STAT2: variants seen among roughly 807,000 people sequenced by gnomAD.
STAT2 encodes signal transducer and activator of transcription 2.
A neutral mutation model predicts 122.3 loss-of-function variants in STAT2; 51 were observed. The ratio of observed to expected loss-of-function variants is 0.42; its 90% CI spans 0.33 to 0.53. STAT2 has a LOEUF of 0.53. Among genes scored for constraint, STAT2 ranks in the 20% least tolerant of loss-of-function variants. The probability of loss-of-function intolerance (pLI) is 0.10; values close to 1 mark genes in which losing one functional copy is unlikely to be tolerated. For synonymous variants in STAT2, 351 were observed against 394.9 expected (o/e 0.89, Z 1.32); for missense variants, 736 against 1,010.3 (o/e 0.73, Z 3.68).
In STAT2 at chr12:56,348,735, A is replaced by G. The variant is rs1327298089; in HGVS notation, c.1629+17T>C. On this transcript the variant is annotated intron_variant, in intron 18 of 23. Coordinates refer to ENST00000314128, the MANE Select transcript of STAT2 (RefSeq NM_005419.4). The stretch of plus-strand genomic sequence containing the variant: ...TGTGGGCTAGATCCAGCAGCTCCAC[A>G]GGATTCAGGGAGTTACCTTAGTGAA... The G allele has an allele frequency of 1.2e-6, 2 of 1,614,084 alleles. No individual in the cohort carries two copies. Among genetic ancestry groups the G allele is most frequent in the Admixed American group, 3.3e-5 (2 of 59,994 alleles).
At chr12:56,359,266 C>CA (rs1451100741) in intron 1 of STAT2, among the ~76,000 whole-genome samples, 12 of 151,200 alleles carry the variant, frequency 7.9e-5, no homozygotes, top group East Asian at 1.9e-4. Context: ...TTTATGATAC[C>CA]AAAAAAAAGT....
chr12:56,357,393 T>A (rs1235846196), intron 1 of STAT2, among the ~76,000 whole-genome samples: 1 of 151,674 alleles, frequency 6.6e-6, no homozygotes, highest in Non-Finnish European at 1.5e-5. Flanking sequence ...CAGGCTGGAG[T>A]GCAGTGGTGT....
At chr12:56,353,114 G>T (rs1878807434) in intron 8 of STAT2, among the ~76,000 whole-genome samples, 1 of 152,004 alleles carries the variant, frequency 6.6e-6, no homozygotes, top group Non-Finnish European at 1.5e-5. Context: ...CTCCTGAGTA[G>T]CTGGGAATAC....
chr12:56,359,108 G>A lies in STAT2; in HGVS notation c.-8+950C>T, dbSNP rs551381525. Among the ~76,000 whole-genome samples, 4 of 152,264 alleles carry A rather than the reference G, an allele frequency of 2.6e-5. No homozygotes were observed. In the East Asian group the frequency reaches 7.7e-4, roughly 29 times the overall value. ...TTACAAAATAAAGAGAAATGCTTGG[G>A]GTGGGAGAGTCTTCTACTAACATGA... On this transcript the variant is annotated intron_variant, in intron 1 of 23. Transcript: ENST00000314128.
rs955030312 is a variant in STAT2, at chr12:56,344,047, G to A, written c.2191C>T (p.Pro731Ser). 1.6e-5 allele frequency: 26 copies of A among 1,612,144 alleles called. 1 individual carries two copies. The Middle Eastern group carries it at 2.6e-3, about 163-fold the overall frequency. Residue 731 changes from proline to serine, a missense_variant, in exon 23 of 24, where the codon CCA becomes TCA. Transcript: ENST00000314128. ...GGCTCTAAGTCCAGGCTGAGCTCTG[G>A]CTCTGGCACCAGCCCTAGTTCCAGC... ...LELELGLVPE[P>S]ELSLDLEPLL...
In STAT2 at chr12:56,343,467, C is replaced by A. The variant is rs2229363; in HGVS notation, c.2478G>T (p.Gln826His). 14,384 of 1,614,160 alleles carry A rather than the reference C, an allele frequency of 8.9e-3. 87 individuals are homozygous for A. Among genetic ancestry groups the A allele is most frequent in the Middle Eastern group, 0.021 (126 of 6,058 alleles). The change falls in exon 24 of 24, where the codon CAG becomes CAT. Residue 826 changes from glutamine to histidine, a missense_variant. By Grantham distance (24) the Gln-to-His change is conservative. Transcript: ENST00000314128. ...MPNGDPLLAG[Q>H]NTVDEVYVSR... ...AGACGTAAACCTCATCCACGGTGTT[C>A]TGGCCAGCCAACAGTGGGTCACCAT... is the stretch of plus-strand genomic sequence containing the variant.
rs760470820 is a variant in STAT2 at position 56,344,002 on chromosome 12, C to G, written c.2236G>C (p.Asp746His). The change falls in exon 23 of 24, where the codon GAT (aspartate) becomes CAT (histidine). Residue 746 changes from aspartate (D) to histidine (H), a missense_variant. Transcript: ENST00000314128. ...DLEPLLKAGLDLGPELESVLE... is the reference protein window; with the variant it reads ...DLEPLLKAGLHLGPELESVLE... ...ACAGACTCTAGCTCTGGCCCCAGAT[C>G]CAGCCCTGCCTTCAGCAGTGGCTCT... The G allele has an allele frequency of 6.2e-7, 1 of 1,614,150 alleles. No individual in the cohort carries two copies. The highest frequency in any genetic ancestry group is 8.5e-7 in the Non-Finnish European group (1 of 1,180,004).
At chr12:56,346,691 G>T in intron 20 of STAT2, 67 bp from the exon 21 acceptor site, 1 of 1,603,476 alleles carries the variant, frequency 6.2e-7, no homozygotes, top group South Asian at 1.1e-5. Context: ...TCTCTGCTCT[G>T]GCTGCCCAGT....
intron 1 of STAT2, among the ~76,000 whole-genome samples, chr12:56,359,083 T>G (rs375962139): frequency 6.6e-6 from 1 of 152,158 alleles, no homozygotes; most frequent in African/African-American, 2.4e-5. Flanking sequence ...CATGATTTTA[T>G]TACAAAATAA....
At chr12:56,357,345 AT>A (rs997672107) in intron 1 of STAT2, among the ~76,000 whole-genome samples, 3 of 147,636 alleles carry the variant, frequency 2.0e-5, no homozygotes, top group African/African-American at 2.5e-5. Context: ...CCCAACCTGT[AT>A]TTTTTTTTTC....
At chr12:56,347,479 C>A (rs771931248) in intron 19 of STAT2, among the ~76,000 whole-genome samples, 47 of 151,582 alleles carry the variant, frequency 3.1e-4, no homozygotes, top group Middle Eastern at 3.2e-3. Context: ...GCATGAGCAA[C>A]CACGCCTGGC....
chr12:56,352,437 G>C (rs1173623939), intron 8 of STAT2: 1 of 140,520 alleles, frequency 7.1e-6, no homozygotes, highest in Admixed American at 7.7e-5. Context: ...AATCCTAAAA[G>C]AGCTGTAACA....
In STAT2 at chr12:56,346,947, A is replaced by C; in HGVS notation, c.1733T>G (p.Met578Arg). Residue 578 changes from methionine to arginine, a missense_variant, in exon 20 of 24, where the codon ATG (methionine) becomes AGG (arginine). Transcript: ENST00000314128. ...CTCCTGGCTCCGACTCACAAAGCCC[A>C]TGATGCGTCTGGAGCACAGAGAGCA... ...LKDLWNDGRI[M>R]GFVSRSQERR... 1 of 1,614,166 alleles carries C rather than the reference A, an allele frequency of 6.2e-7. No individual in the cohort carries two copies. Among genetic ancestry groups the C allele is most frequent in the Non-Finnish European group, 8.5e-7 (1 of 1,180,016 alleles).
In STAT2 at chr12:56,356,190, T is replaced by G. The variant is rs1879485090; in HGVS notation, c.227A>C (p.Gln76Pro). The G allele has an allele frequency of 1.2e-6, 2 of 1,614,060 alleles. No homozygotes were observed. The highest frequency in any genetic ancestry group is 1.3e-5 in the African/African-American group (1 of 74,938). Residue 76 changes from glutamine to proline, a missense_variant, in exon 3 of 24, where the codon CAG (glutamine) becomes CCG (proline). Gln to Pro is a moderately conservative substitution (Grantham distance 76, BLOSUM62 -1). Transcript: ENST00000314128. ...QLNYECGRCSQDPESLLLQHN... is the reference protein window; with the variant it reads ...QLNYECGRCSPDPESLLLQHN... The stretch of plus-strand genomic sequence containing the variant: ...CTGCAGCAACAAGGACTCTGGGTCC[T>G]GGCTGCAACGGCCACACTCATAGTT...
chr12:56,350,370 T>C (rs776386218), intron 12 of STAT2, 42 bp downstream of exon 12: 3 of 1,579,284 alleles, frequency 1.9e-6, no homozygotes, highest in Admixed American at 3.7e-5. Flanking sequence ...CTGCAGGTCA[T>C]ACACTGTACA....
At position 56,348,767 on chromosome 12, in the gene STAT2, C is replaced by T; in HGVS notation, c.1614G>A (p.Trp538Ter). Residue 538 changes from tryptophan (W) to a stop codon, truncating the protein, a stop_gained, in exon 18 of 24, where the codon TGG becomes TGA. Transcript: ENST00000314128. LOFTEE classifies it high-confidence loss of function. Reference sequence around the variant, plus strand: ...AGGGAGTTACCTTAGTGAAGTCAGCCCAGGACAATAATGGATCCTCAGTCC... The same window carrying T: ...AGGGAGTTACCTTAGTGAAGTCAGCTCAGGACAATAATGGATCCTCAGTCC... ...NCRTEDPLLSWADFTKRESPP... is the reference protein window; with the variant it reads ...NCRTEDPLLS 6.2e-7 allele frequency: 1 copy of T among 1,614,098 alleles called. No homozygotes were observed.
rs1879341913 is a variant in STAT2, at chr12:56,355,367, G to A, written c.472-16C>T. 1.2e-6 allele frequency: 2 copies of A among 1,614,126 alleles called. No individual in the cohort carries two copies. On this transcript the variant is annotated splice_polypyrimidine_tract_variant and intron_variant, in intron 5 of 23. Transcript: ENST00000314128. ...TTACCAGCTTCTGCAGAGGGGAGAGGACCCCGATGAGGCTGCTTCTCAGGG... is the reference window on the plus strand; with the variant it reads ...TTACCAGCTTCTGCAGAGGGGAGAGAACCCCGATGAGGCTGCTTCTCAGGG...
At chr12:56,354,016 A>AATATATATATATATATAT (rs1555171512) in intron 8 of STAT2, among the ~76,000 whole-genome samples, 5 of 16,696 alleles carry the variant, frequency 3.0e-4, no homozygotes, top group Non-Finnish European at 8.1e-4. Flanking sequence ...AAAAAAAAAA[A>AATATATATATATATATAT]ATATATATAT....
chr12:56,344,502 C>T (rs1877052298), intron 22 of STAT2, among the ~76,000 whole-genome samples: 1 of 152,218 alleles, frequency 6.6e-6, no homozygotes, highest in African/African-American at 2.4e-5. Context: ...ACAGTGTTTA[C>T]TTCACAGGAC....
Sources: gnomAD v4.1 joint callset for allele counts (sites outside exome capture counted in the v4.1 genomes callset) on GRCh38, gnomAD v4.1.1 for gene constraint, MANE v1.5 for transcripts, NCBI Gene and HGNC (gene_info 2026-07-23, HGNC 2026-07-21) for gene names.